The following STAB2 variants were observed in gnomAD, a reference collection of about 807,000 sequenced individuals.
The protein encoded by STAB2 is stabilin-2.
In STAB2, 288 loss-of-function variants were observed where a neutral mutation model predicts 338.1. That is an observed-to-expected ratio of 0.85 (90% CI 0.77 to 0.94). The LOEUF (loss-of-function observed/expected upper bound fraction) is 0.94, where lower values mean the gene tolerates loss of function less well. Among genes scored for constraint, STAB2 ranks in the 40% least tolerant of loss-of-function variants. The pLI, the probability that STAB2 is intolerant of heterozygous loss-of-function variation, is 0.00. For missense variants in STAB2, 3,141 were observed against 3,210.1 expected (o/e 0.98, Z 0.52); for synonymous variants, 1,202 against 1,193.3 (o/e 1.01, Z -0.15).
At chr12:103,666,539 T>C (rs539671275) in intron 19 of STAB2, among the ~76,000 whole-genome samples, 186 bp downstream of exon 19, 1 of 152,258 alleles carries the variant, frequency 6.6e-6, no homozygotes, top group East Asian at 1.9e-4. Flanking sequence ...TGAATCCTTG[T>C]TCATTGACCC....
At chr12:103,689,779 G>A in intron 28 of STAB2, 67 bp from the exon 29 acceptor site, 4 of 1,555,560 alleles carry the variant, frequency 2.6e-6, no homozygotes, top group Non-Finnish European at 3.5e-6. Flanking sequence ...TCTCTTCCAA[G>A]CATTTAAGGC....
chr12:103,611,751 C>G (rs1957126269), intron 3 of STAB2, among the ~76,000 whole-genome samples: 1 of 152,132 alleles, frequency 6.6e-6, no homozygotes, highest in Non-Finnish European at 1.5e-5. Flanking sequence ...GGTTATTTTG[C>G]TCGTTAGTTG....
At chr12:103,672,250 C>A (rs1278753503) in intron 22 of STAB2, among the ~76,000 whole-genome samples, 1 of 152,194 alleles carries the variant, frequency 6.6e-6, no homozygotes, top group African/African-American at 2.4e-5. Context: ...AGGGTCGAGG[C>A]TACTGAACCC....
rs376140401 is a variant in STAB2 at position 103,713,670 on chromosome 12, G to A, written c.4439G>A (p.Gly1480Glu). 1.9e-6 allele frequency: 3 copies of A among 1,614,054 alleles called. No homozygotes were observed. Among genetic ancestry groups the A allele is most frequent in the Non-Finnish European group, 1.7e-6 (2 of 1,179,952 alleles). Residue 1480 changes from glycine to glutamate, a missense_variant, in exon 42 of 69, where the codon GGA (glycine) becomes GAA (glutamate). Gly to Glu is a moderately conservative substitution (Grantham distance 98). Transcript: ENST00000388887. The stretch of plus-strand genomic sequence containing the variant: ...ATCAATGCCTGTGAGATCAGCAATG[G>A]AGGTTGCTCTGCCAAGGCTGACTGT... ...TAINACEISNGGCSAKADCKR... is the reference protein window; with the variant it reads ...TAINACEISNEGCSAKADCKR...
In STAB2 at chr12:103,711,971, C is replaced by T. The variant is rs1053379856; in HGVS notation, c.4335-396C>T. 2.0e-4 allele frequency among the ~76,000 whole-genome samples: 31 copies of T among 152,302 alleles called. 1 individual carries two copies. Among genetic ancestry groups the T allele is most frequent in the Admixed American group, 8.5e-4 (13 of 15,306 alleles). On this transcript the variant is annotated intron_variant, in intron 40 of 68. Coordinates refer to ENST00000388887, the MANE Select transcript of STAB2 (RefSeq NM_017564.10). ...CACTACCACATGATCTTGAGTCCAA[C>T]GTTGAATCCCTCCAAAGCCTCAGAT...
At chr12:103,737,606 C>T (rs200579945) in intron 52 of STAB2, 28 bp from the exon 53 acceptor site, 13,295 of 996,134 alleles carry the variant, frequency 0.013, 599 homozygotes, top group South Asian at 0.044. Flanking sequence ...CTCTCTTTCT[C>T]TTTTTTTTTT....
intron 22 of STAB2, among the ~76,000 whole-genome samples, chr12:103,671,059 C>T (rs114683025): frequency 0.043 from 6,499 of 152,234 alleles, 151 homozygotes; most frequent in Non-Finnish European, 0.064. Context: ...TAACAAGTTC[C>T]GAGGGGGCAC....
At chr12:103,730,894 CA>C in intron 49 of STAB2, among the ~76,000 whole-genome samples, 1 of 151,986 alleles carries the variant, frequency 6.6e-6, no homozygotes, top group Non-Finnish European at 1.5e-5. Context: ...ACTAAAAATA[CA>C]AAAAACTAGC....
chr12:103,674,632 C>T (rs138265564), intron 23 of STAB2, among the ~76,000 whole-genome samples: 148 of 152,200 alleles, frequency 9.7e-4, no homozygotes, highest in African/African-American at 3.5e-3. Flanking sequence ...CATTTGTTTC[C>T]TTAATACTGT....
chr12:103,674,025 T>C lies in STAB2; in HGVS notation c.2490T>C (p.Cys830=), dbSNP rs778276547. The C allele has an allele frequency of 3.1e-6, 5 of 1,613,970 alleles. No individual in the cohort carries two copies. Among genetic ancestry groups the C allele is most frequent in the Non-Finnish European group, 4.2e-6 (5 of 1,180,006 alleles). ...GRLCDKQTSA[C]GPYVQFCHIH... is the part of the protein sequence containing the mutation. Reference sequence around the variant, plus strand: ...TCTGTGATAAGCAGACCTCAGCCTGTGGGCCCTACGTGCAGTTCTGTCACA... The same window carrying C: ...TCTGTGATAAGCAGACCTCAGCCTGCGGGCCCTACGTGCAGTTCTGTCACA... The change falls in exon 23 of 69, where the codon TGT becomes TGC. Residue 830 remains cysteine (C), a synonymous_variant. Coordinates refer to ENST00000388887, the MANE Select transcript of STAB2 (RefSeq NM_017564.10).
intron 66 of STAB2, 146 bp from the exon 67 acceptor site, chr12:103,762,128 C>A (rs891545893): frequency 1.7e-5 from 18 of 1,064,110 alleles, no homozygotes; most frequent in African/African-American, 1.6e-4. Context: ...GGGTATTAGA[C>A]CCTGGCAGTA....
At position 103,595,809 on chromosome 12, in the gene STAB2, G is replaced by A. The variant is rs949755557; in HGVS notation, c.331+1299G>A. On this transcript the variant is annotated intron_variant, in intron 3 of 68. Coordinates refer to ENST00000388887, the MANE Select transcript of STAB2 (RefSeq NM_017564.10). ...AAGTTCAAAGTTGCCTGGCACCAAA[G>A]CCTACCTCTTTCTGCTCTGTCCTAC... Among the ~76,000 whole-genome samples, 10 of 152,324 alleles carry A rather than the reference G, an allele frequency of 6.6e-5. 1 individual carries two copies. The highest frequency in any genetic ancestry group is 3.3e-4 in the Admixed American group (5 of 15,290).
intron 56 of STAB2, among the ~76,000 whole-genome samples, chr12:103,743,319 G>A (rs4981038): frequency 0.096 from 14,629 of 152,090 alleles, 900 homozygotes; most frequent in East Asian, 0.21. Flanking sequence ...CACTGTGCCC[G>A]GCTGAATATT....
At chr12:103,654,736 A>G (rs1351733111) in intron 13 of STAB2, 38 bp downstream of exon 13, 5 of 1,601,640 alleles carry the variant, frequency 3.1e-6, no homozygotes, top group South Asian at 1.1e-5. Context: ...GGCCAGGTCC[A>G]TCTTCCTTTG....
chr12:103,622,108 T>C lies in STAB2; in HGVS notation c.484T>C (p.Ser162Pro). Residue 162 changes from serine (S) to proline (P), a missense_variant, in exon 5 of 69, where the codon TCA becomes CCA. Physicochemically the swap from Ser to Pro is moderately conservative, Grantham distance 74. Coordinates refer to ENST00000388887, the MANE Select transcript of STAB2 (RefSeq NM_017564.10). ...DDNLFGPSCS[S>P]VCNCVHGVCN... ...CAACTTATTTGGACCCAGCTGTTCA[T>C]CAGGTATGTCTGATTTTTGTGTAAT... The C allele has an allele frequency of 6.2e-7, 1 of 1,614,226 alleles. No individual in the cohort carries two copies. Among genetic ancestry groups the C allele is most frequent in the Admixed American group, 1.7e-5 (1 of 60,032 alleles).
chr12:103,679,502 A>T (rs1876703591), intron 25 of STAB2, among the ~76,000 whole-genome samples: 1 of 152,188 alleles, frequency 6.6e-6, no homozygotes, highest in Non-Finnish European at 1.5e-5. Flanking sequence ...AGATAGAAGC[A>T]CACTACACCC....
chr12:103,739,483 A>C lies in STAB2; in HGVS notation c.5754+15A>C. 1 of 1,571,852 alleles carries C rather than the reference A, an allele frequency of 6.4e-7. No individual in the cohort carries two copies. Among genetic ancestry groups the C allele is most frequent in the Non-Finnish European group, 8.6e-7 (1 of 1,158,678 alleles). ...GTAAACCAAAGGTAATTAAGACTGC[A>C]GTGATAATGTTTGGAGAGCCATAGG... On this transcript the variant is annotated intron_variant, in intron 54 of 68. Transcript: ENST00000388887.
intron 17 of STAB2, among the ~76,000 whole-genome samples, chr12:103,661,611 GA>G (rs1874627449): frequency 6.6e-6 from 1 of 152,218 alleles, no homozygotes; most frequent in South Asian, 2.1e-4. Context: ...GCAAAGCAAG[GA>G]AGGGGGACAG....
chr12:103,637,554 G>A, intron 7 of STAB2, among the ~76,000 whole-genome samples: 1 of 151,872 alleles, frequency 6.6e-6, no homozygotes, highest in East Asian at 1.9e-4. Context: ...TAAAAACATG[G>A]ACTCTCAAGC....
Sources: gnomAD v4.1 joint callset for allele counts (sites outside exome capture counted in the v4.1 genomes callset) on GRCh38, gnomAD v4.1.1 for gene constraint, MANE v1.5 for transcripts, NCBI Gene and HGNC (gene_info 2026-07-23, HGNC 2026-07-21) for gene names.